Variants in SV2C observed in about 807,000 individuals in gnomAD.
The protein encoded by SV2C is solute carrier family 22 member B3.
In SV2C, 49 loss-of-function variants were observed where a neutral mutation model predicts 79.7. The ratio of observed to expected loss-of-function variants is 0.61; its 90% CI spans 0.49 to 0.78. SV2C has a LOEUF of 0.78. Ranked by LOEUF, SV2C falls within the 30% of genes least tolerant of loss-of-function variation. The pLI is 0.00. For synonymous variants in SV2C, 334 were observed against 333.2 expected, an observed-to-expected ratio of 1.00 and a Z score of -0.03; for missense variants, 833 against 912.9, an observed-to-expected ratio of 0.91 and a Z score of 1.13.
the SV2C span, among the ~76,000 whole-genome samples, chr5:75,968,535 G>T: frequency 1.3e-5 from 2 of 152,180 alleles, no homozygotes; most frequent in African/African-American, 2.4e-5. Context: ...GAATGCACAA[G>T]CCTCAGTAAC....
Position 76,325,778 on chromosome 5 carries a change from G to C in SV2C, c.*231G>C, listed in dbSNP as rs1451864784. 1.2e-5 allele frequency: 6 copies of C among 512,026 alleles called. No homozygotes were observed. Among genetic ancestry groups the C allele is most frequent in the Non-Finnish European group, 1.9e-5 (6 of 312,392 alleles). 31.7% of individuals were successfully genotyped at this position (512,026 alleles called of 1,614,324 possible). ...ATGCATTGTTATCTTTCCAAACTGT[G>C]ATGCTACTGCCTCCCGCAAATCAGT... On this transcript the variant is annotated 3_prime_UTR_variant, in exon 13 of 13. Coordinates refer to ENST00000502798, the MANE Select transcript of SV2C (RefSeq NM_014979.4).
chr5:75,888,444 A>T, the SV2C span, among the ~76,000 whole-genome samples: 5,130 of 151,096 alleles, frequency 0.034, 266 homozygotes, highest in African/African-American at 0.11. Flanking sequence ...TCCCTTCATC[A>T]CTCACTCCAT....
chr5:76,124,689 C>T (rs1344276272), intron 1 of SV2C, among the ~76,000 whole-genome samples: 1 of 152,202 alleles, frequency 6.6e-6, no homozygotes, highest in Admixed American at 6.5e-5. Flanking sequence ...AACTGCCACA[C>T]TATTTTTCAC....
intron 4 of SV2C, among the ~76,000 whole-genome samples, chr5:76,222,601 T>G (rs1199969572): frequency 6.6e-6 from 1 of 152,238 alleles, no homozygotes; most frequent in Non-Finnish European, 1.5e-5. Flanking sequence ...CACATTGCAC[T>G]AATGTCAGTT....
the SV2C span, among the ~76,000 whole-genome samples, chr5:76,052,021 T>C: frequency 7.1e-3 from 1,086 of 152,264 alleles, 5 homozygotes; most frequent in Non-Finnish European, 0.012. Flanking sequence ...GATCAGCATG[T>C]GGAGCCTGCA....
chr5:75,903,380 A>ATTTT, the SV2C span, among the ~76,000 whole-genome samples: 24 of 130,166 alleles, frequency 1.8e-4, no homozygotes, highest in East Asian at 4.5e-3. Context: ...TTTTTTTTTA[A>ATTTT]AAAAAAAAGA....
At chr5:75,913,988 A>G in the SV2C span, among the ~76,000 whole-genome samples, 1 of 152,150 alleles carries the variant, frequency 6.6e-6, no homozygotes, top group Non-Finnish European at 1.5e-5. Context: ...CTTAAACATT[A>G]TATTTTAACT....
At chr5:76,170,812 G>C (rs1743201526) in intron 2 of SV2C, 1 of 224,782 alleles carries the variant, frequency 4.4e-6, no homozygotes, top group Non-Finnish European at 8.5e-6. Context: ...CGGTGGCTTA[G>C]GGAGCCCGTC....
At chr5:75,966,957 T>C in the SV2C span, among the ~76,000 whole-genome samples, 1 of 152,200 alleles carries the variant, frequency 6.6e-6, no homozygotes, top group Admixed American at 6.5e-5. Flanking sequence ...AACTTACTAA[T>C]ATATATATTC....
At chr5:76,191,440 A>G (rs1744101170) in intron 2 of SV2C, among the ~76,000 whole-genome samples, 1 of 152,244 alleles carries the variant, frequency 6.6e-6, no homozygotes, top group African/African-American at 2.4e-5. Context: ...GCATTACTGA[A>G]GTGCTTAAGA....
chr5:75,896,639 T>C, the SV2C span, among the ~76,000 whole-genome samples: 3,967 of 151,564 alleles, frequency 0.026, 193 homozygotes, highest in African/African-American at 0.091. Flanking sequence ...TGAGGAATCG[T>C]CACACTGACT....
the SV2C span, among the ~76,000 whole-genome samples, chr5:76,073,774 A>G: frequency 3.3e-5 from 5 of 152,068 alleles, no homozygotes; most frequent in Admixed American, 2.0e-4. Context: ...GGTGAGAGAT[A>G]AAAGACTACA....
At chr5:76,303,016 C>T (rs1277475311) in intron 12 of SV2C, among the ~76,000 whole-genome samples, 2 of 152,090 alleles carry the variant, frequency 1.3e-5, no homozygotes, top group African/African-American at 2.4e-5. Flanking sequence ...GTGTCCTGTC[C>T]TGTCTCTAAC....
At chr5:75,952,924 C>A in the SV2C span, among the ~76,000 whole-genome samples, 1 of 151,968 alleles carries the variant, frequency 6.6e-6, no homozygotes, top group Non-Finnish European at 1.5e-5. Context: ...CTCCTAAGAT[C>A]CAAACACAAA....
At chr5:76,291,187 GTAACT>G in intron 6 of SV2C, 29 bp from the exon 7 acceptor site, 1 of 1,535,710 alleles carries the variant, frequency 6.5e-7, no homozygotes, top group South Asian at 1.1e-5. Flanking sequence ...TTCAGAGAAG[GTAACT>G]TAGCGCTTTG....
At chr5:76,050,315 C>T in the SV2C span, among the ~76,000 whole-genome samples, 1 of 152,084 alleles carries the variant, frequency 6.6e-6, no homozygotes, top group Non-Finnish European at 1.5e-5. Flanking sequence ...CTAAACATGT[C>T]AGGGAGGTTA....
intron 1 of SV2C, among the ~76,000 whole-genome samples, chr5:76,084,435 C>G (rs796166668): frequency 5.3e-4 from 81 of 151,732 alleles, no homozygotes; most frequent in African/African-American, 1.8e-3. Flanking sequence ...TCCAGAGCGT[C>G]GCGGGGAGCG....
rs547609364 is a variant in SV2C at position 76,185,192 on chromosome 5, C to T, written c.581-9727C>T. On this transcript the variant is annotated intron_variant, in intron 2 of 12. Transcript: ENST00000502798. ...GTCACACTGATACAAGAGGTGGGCT[C>T]CCACAGCCTTGGGCAGCTCTGCCCC... Among the ~76,000 whole-genome samples, 10 of 152,374 alleles carry T rather than the reference C, an allele frequency of 6.6e-5. No homozygotes were observed. The South Asian group carries it at 2.1e-3, about 32-fold the overall frequency.
At chr5:75,913,289 C>T in the SV2C span, among the ~76,000 whole-genome samples, 1 of 152,156 alleles carries the variant, frequency 6.6e-6, no homozygotes, top group African/African-American at 2.4e-5. Flanking sequence ...TTAGGAGTCT[C>T]CAGATATGGA....
Sources: allele counts gnomAD v4.1 joint callset (sites outside exome capture counted in the v4.1 genomes callset), GRCh38; gene constraint gnomAD v4.1.1; transcripts MANE v1.5; gene names NCBI Gene and HGNC (gene_info 2026-07-23, HGNC 2026-07-21).